Variants in RIPPLY3 observed in about 807,000 individuals in gnomAD.
The protein encoded by RIPPLY3 is ripply transcriptional repressor 3.
In RIPPLY3, 8 loss-of-function variants were observed where a neutral mutation model predicts 11.9. The ratio of observed to expected loss-of-function variants is 0.67; its 90% CI spans 0.40 to 1.21. The LOEUF is 1.21. Ranked by LOEUF, RIPPLY3 falls within the 50% of genes most tolerant of loss-of-function variation. The probability of loss-of-function intolerance (pLI) is 0.01; values close to 1 mark genes in which losing one functional copy is unlikely to be tolerated. For synonymous variants in RIPPLY3, 102 were observed against 99.0 expected (o/e 1.03, Z -0.18); for missense variants, 271 against 246.0 (o/e 1.10, Z -0.68).
rs1312886344 is a variant in RIPPLY3 at position 37,019,469 on chromosome 21, AT to A, written c.*1269del. The stretch of plus-strand genomic sequence containing the variant: ...ATGAACACTACTTTTTTAATTTTTT[AT>A]TTTTTTAACCCTACCCTTAACCCAT... On this transcript the variant is annotated 3_prime_UTR_variant, in exon 4 of 4. Transcript: ENST00000329553. 1 of 151,790 alleles carries A rather than the reference AT, an allele frequency of 6.6e-6. No homozygotes were observed. Among genetic ancestry groups the A allele is most frequent in the Admixed American group, 6.6e-5 (1 of 15,222 alleles). The allele number at this position is 151,790 out of a possible 1,614,324, so 9.4% of individuals were successfully genotyped here.
At chr21:37,013,669 C>A in intron 3 of RIPPLY3, 51 bp downstream of exon 3, 2 of 1,337,074 alleles carry the variant, frequency 1.5e-6, no homozygotes, top group Non-Finnish European at 2.1e-6. Flanking sequence ...TTAATATAGG[C>A]ATTAATATGC....
In RIPPLY3 at chr21:37,019,417, A is replaced by G. The variant is rs1176996829; in HGVS notation, c.*1210A>G. 1 of 152,030 alleles carries G rather than the reference A, an allele frequency of 6.6e-6. No individual in the cohort carries two copies. The highest frequency in any genetic ancestry group is 1.5e-5 in the Non-Finnish European group (1 of 68,020). 9.4% of individuals were successfully genotyped at this position (152,030 alleles called of 1,614,324 possible). ...GAACCGTCTCTCTTCTTAGTTGGTG[A>G]CTGTTTGGGGCCTGGTATTTTAATA... On this transcript the variant is annotated 3_prime_UTR_variant, in exon 4 of 4. Coordinates refer to ENST00000329553, the MANE Select transcript of RIPPLY3 (RefSeq NM_018962.3).
In RIPPLY3 at chr21:37,017,880, T is replaced by C. The variant is rs186367100; in HGVS notation, c.246T>C (p.Tyr82=). 2 of 1,610,632 alleles carry C rather than the reference T, an allele frequency of 1.2e-6. No individual in the cohort carries two copies. The highest frequency in any genetic ancestry group is 3.4e-5 in the Admixed American group (2 of 59,658). The part of the protein sequence containing the change: ...AFGFQHPVRV[Y]LPMSKRQEYL... Reference sequence around the variant, plus strand: ...TTTGTTTCTTAAATATTAGAGTCTATTTACCCATGTCAAAGCGTCAAGAAT... The same window carrying C: ...TTTGTTTCTTAAATATTAGAGTCTACTTACCCATGTCAAAGCGTCAAGAAT... The change falls in exon 4 of 4, where the codon TAT becomes TAC. Residue 82 remains tyrosine, a synonymous_variant. Coordinates refer to ENST00000329553, the MANE Select transcript of RIPPLY3 (RefSeq NM_018962.3).
At chr21:37,006,637 C>G (rs1277767496), upstream of RIPPLY3, 3 of 459,204 alleles carry the variant, frequency 6.5e-6, no homozygotes, top group Admixed American at 4.6e-5. The surrounding 1 kb of genome is among the most constrained non-coding windows in gnomAD (Gnocchi z 5.2). Flanking sequence ...GTCCTGCCCC[C>G]TCCCAGCGCT....
At position 37,006,750 on chromosome 21, in the gene RIPPLY3, G is replaced by A. The variant is rs1390535315; in HGVS notation, c.-23G>A. 3.3e-6 allele frequency: 4 copies of A among 1,219,958 alleles called. No homozygotes were observed. The African/African-American group carries it at 4.7e-5, about 14-fold the overall frequency. 75.6% of individuals were successfully genotyped at this position (1,219,958 alleles called of 1,614,324 possible). A position where few individuals can be genotyped will look rare whatever the true frequency, so the allele number is the denominator to read the frequency against. On this transcript the variant is annotated 5_prime_UTR_variant, in exon 1 of 4. Transcript: ENST00000329553. This position sits in a 1 kb window ranked among gnomAD's most constrained non-coding sequence, Gnocchi z 5.2. ...CGCTCGTAGGCCGGCGCCGCAGCAA[G>A]GGGCGCGGGCTCCGCCGGCACCATG...
intron 3 of RIPPLY3, among the ~76,000 whole-genome samples, chr21:37,015,768 G>C (rs764326186): frequency 3.3e-5 from 5 of 151,856 alleles, no homozygotes; most frequent in South Asian, 2.1e-4. Context: ...GCCCAGGCTG[G>C]AGTGCAGTGG....
At chr21:37,009,502 C>T (rs1008474714) in intron 2 of RIPPLY3, among the ~76,000 whole-genome samples, 4 of 152,050 alleles carry the variant, frequency 2.6e-5, no homozygotes, top group African/African-American at 9.7e-5. Flanking sequence ...TTTTTAGTCC[C>T]CGATTATTTA....
intron 1 of RIPPLY3, 73 bp from the exon 2 acceptor site, chr21:37,008,084 T>C (rs1310037786): frequency 3.3e-6 from 5 of 1,512,230 alleles, no homozygotes; most frequent in Middle Eastern, 3.4e-4. Context: ...GAACTAAGAA[T>C]AGCTCTCATG....
chr21:37,010,463 A>G (rs1279746362), intron 2 of RIPPLY3, among the ~76,000 whole-genome samples: 1 of 152,120 alleles, frequency 6.6e-6, no homozygotes, highest in Admixed American at 6.5e-5. Flanking sequence ...ACTGCATTCC[A>G]GCGTGGGAGA....
In RIPPLY3 at chr21:37,011,742, G is replaced by A. The variant is rs567337397; in HGVS notation, c.172-1809G>A. 6.6e-5 allele frequency among the ~76,000 whole-genome samples: 10 copies of A among 152,012 alleles called. No individual in the cohort carries two copies. In the East Asian group the frequency reaches 1.2e-3, roughly 18 times the overall value. The stretch of plus-strand genomic sequence containing the variant: ...AGCACTTTGGGAGGCCGAGGCGGGC[G>A]GATCATGAGATCAGGAGATCGAAAC... On this transcript the variant is annotated intron_variant, in intron 2 of 3. Transcript: ENST00000329553.
chr21:37,015,792 C>T (rs888296771), intron 3 of RIPPLY3, among the ~76,000 whole-genome samples: 2 of 151,864 alleles, frequency 1.3e-5, no homozygotes, highest in African/African-American at 4.8e-5. Flanking sequence ...CATCCCAGCT[C>T]ACTGCAGCCT....
At chr21:37,017,402 T>C (rs1249829207) in intron 3 of RIPPLY3, among the ~76,000 whole-genome samples, 1 of 152,094 alleles carries the variant, frequency 6.6e-6, no homozygotes, top group Non-Finnish European at 1.5e-5. Flanking sequence ...GACCAGGGTT[T>C]CAGAGATGTC....
Position 37,018,449 on chromosome 21 carries a change from C to A in RIPPLY3, c.*242C>A. ...AAGGATTCTAGGAGAAAGAGAAGGTCTATGTCAACAGAGTTGTTATCTCAT... is the reference window on the plus strand; with the variant it reads ...AAGGATTCTAGGAGAAAGAGAAGGTATATGTCAACAGAGTTGTTATCTCAT... On this transcript the variant is annotated 3_prime_UTR_variant, in exon 4 of 4. Coordinates refer to ENST00000329553, the MANE Select transcript of RIPPLY3 (RefSeq NM_018962.3). 1 of 538,094 alleles carries A rather than the reference C, an allele frequency of 1.9e-6. No individual in the cohort carries two copies. Among genetic ancestry groups the A allele is most frequent in the Non-Finnish European group, 3.3e-6 (1 of 300,422 alleles). The allele number at this position is 538,094 out of a possible 1,614,324, so 33.3% of individuals were successfully genotyped here.
At chr21:37,014,303 A>G (rs983127914) in intron 3 of RIPPLY3, among the ~76,000 whole-genome samples, 1 of 151,912 alleles carries the variant, frequency 6.6e-6, no homozygotes, top group African/African-American at 2.4e-5. Context: ...GGGCGACAAG[A>G]GCGAAACTCT....
Position 37,009,282 on chromosome 21 carries a change from A to G in RIPPLY3, c.171+1059A>G, listed in dbSNP as rs73393098. 7.1e-3 allele frequency among the ~76,000 whole-genome samples: 1,083 copies of G among 151,940 alleles called. 16 individuals carry two copies. The highest frequency in any genetic ancestry group is 0.025 in the African/African-American group (1,054 of 41,352). On this transcript the variant is annotated intron_variant, in intron 2 of 3. Transcript: ENST00000329553. ...TAAAACACTGAAGAATTAGGCTGGG[A>G]AAGACCATGTATTGAATTTACGTAA...
intron 2 of RIPPLY3, among the ~76,000 whole-genome samples, chr21:37,012,829 C>T (rs933614570): frequency 1.3e-5 from 2 of 151,328 alleles, no homozygotes; most frequent in Non-Finnish European, 2.9e-5. Flanking sequence ...CCTCATGGCT[C>T]CCCACTTGCA....
chr21:37,017,984 C>T lies in RIPPLY3; in HGVS notation c.350C>T (p.Thr117Ile). The change falls in exon 4 of 4, where the codon ACT becomes ATT. Residue 117 changes from threonine (T) to isoleucine (I), a missense_variant. Physicochemically the swap from Thr to Ile is moderately conservative, Grantham distance 89. Transcript: ENST00000329553. The stretch of plus-strand genomic sequence containing the variant: ...ATTGACTTCTACGACGATGAGTCTA[C>T]TGAGTCTGCTTCCGAAGCTGAAGAG... The part of the protein sequence containing the change: ...ATIDFYDDES[T>I]ESASEAEEPE... 6.2e-7 allele frequency: 1 copy of T among 1,614,190 alleles called. No individual in the cohort carries two copies. The highest frequency in any genetic ancestry group is 8.5e-7 in the Non-Finnish European group (1 of 1,180,028).
intron 1 of RIPPLY3, among the ~76,000 whole-genome samples, 156 bp from the exon 2 acceptor site, chr21:37,008,001 A>G (rs539550298): frequency 6.6e-6 from 1 of 152,180 alleles, no homozygotes; most frequent in Non-Finnish European, 1.5e-5. Context: ...AATGACAGTA[A>G]TTTATCCACA....
chr21:37,018,214 C>G lies in RIPPLY3; in HGVS notation c.*7C>G, dbSNP rs760005809. On this transcript the variant is annotated 3_prime_UTR_variant, in exon 4 of 4. Coordinates refer to ENST00000329553, the MANE Select transcript of RIPPLY3 (RefSeq NM_018962.3). ...GTGCTCCTCATCCAAATGAATCAGT[C>G]TCTGTCTCCTGGGCCCTGCTCTGGG... 6.2e-7 allele frequency: 1 copy of G among 1,609,258 alleles called. No homozygotes were observed. The highest frequency in any genetic ancestry group is 8.5e-7 in the Non-Finnish European group (1 of 1,175,986).
Sources: allele counts gnomAD v4.1 joint callset (sites outside exome capture counted in the v4.1 genomes callset), GRCh38; gene constraint gnomAD v4.1.1; non-coding constraint Gnocchi (gnomAD v3.1); transcripts MANE v1.5; gene names NCBI Gene and HGNC (gene_info 2026-07-23, HGNC 2026-07-21).